DNAH3: variants seen among roughly 807,000 people sequenced by gnomAD.
The protein encoded by DNAH3 is dynein axonemal heavy chain 3.
In DNAH3, 332 loss-of-function variants were observed where a neutral mutation model predicts 432.5. The ratio of observed to expected loss-of-function variants is 0.77; its 90% CI spans 0.70 to 0.84. The LOEUF (loss-of-function observed/expected upper bound fraction) is 0.84, where lower values mean the gene tolerates loss of function less well. DNAH3 is among the 40% of genes least tolerant of loss of function. The pLI, the probability that DNAH3 is intolerant of heterozygous loss-of-function variation, is 0.00. For synonymous variants in DNAH3, 1,956 were observed against 1,900.2 expected (o/e 1.03, Z -0.76); for missense variants, 4,861 against 5,114.0 (o/e 0.95, Z 1.51).
intron 16 of DNAH3, 144 bp downstream of exon 16, chr16:21,104,327 G>T: frequency 1.4e-6 from 1 of 704,114 alleles, no homozygotes; most frequent in Non-Finnish European, 2.5e-6. Flanking sequence ...CAAAGGAAAT[G>T]CCTTCTCCAC....
intron 16 of DNAH3, among the ~76,000 whole-genome samples, chr16:21,103,745 G>A (rs2091890043): frequency 6.6e-6 from 1 of 152,102 alleles, no homozygotes; most frequent in Non-Finnish European, 1.5e-5. Flanking sequence ...GGGAGTGGGA[G>A]TTTCTTATGT....
rs139469171 is a variant in DNAH3 at position 21,150,083 on chromosome 16, G to A, written c.118-3995C>T. ...TCCACTAAAAATACAAAATTAGCCAGGTGTGGTGGCACATGCCTGTAATCC... is the reference window on the plus strand; with the variant it reads ...TCCACTAAAAATACAAAATTAGCCAAGTGTGGTGGCACATGCCTGTAATCC... On this transcript the variant is annotated intron_variant, in intron 1 of 61. Transcript: ENST00000261383. Among the ~76,000 whole-genome samples the A allele has an allele frequency of 9.0e-3, 1,363 of 152,090 alleles. 14 individuals carry two copies. Among genetic ancestry groups the A allele is most frequent in the Non-Finnish European group, 0.014 (926 of 68,000 alleles).
chr16:21,049,810 C>A, intron 30 of DNAH3, 100 bp downstream of exon 30: 1 of 1,331,588 alleles, frequency 7.5e-7, no homozygotes, highest in Non-Finnish European at 1.1e-6. Flanking sequence ...CCCATGCTGC[C>A]TGTTAATGCT....
At chr16:20,948,359 T>C (rs2084148449) in intron 57 of DNAH3, 124 bp downstream of exon 57, 22 of 965,694 alleles carry the variant, frequency 2.3e-5, no homozygotes, top group Non-Finnish European at 3.3e-5. Context: ...GAATAGCTTA[T>C]GGATTCAATT....
At chr16:21,011,138 C>T (rs1342265258) in intron 41 of DNAH3, among the ~76,000 whole-genome samples, 1 of 151,986 alleles carries the variant, frequency 6.6e-6, no homozygotes, top group Non-Finnish European at 1.5e-5. Flanking sequence ...GACTCTCTAG[C>T]TGCAGAAGGA....
At chr16:21,062,018 A>C (rs1266542148) in intron 25 of DNAH3, among the ~76,000 whole-genome samples, 2 of 152,204 alleles carry the variant, frequency 1.3e-5, no homozygotes, top group Non-Finnish European at 2.9e-5. Flanking sequence ...CAGAAATGGA[A>C]GTAATTTATA....
intron 11 of DNAH3, among the ~76,000 whole-genome samples, chr16:21,118,687 T>A (rs894850382): frequency 6.6e-6 from 1 of 152,132 alleles, no homozygotes; most frequent in African/African-American, 2.4e-5. Flanking sequence ...CTTCACAACT[T>A]TCAGAAAATG....
intron 20 of DNAH3, among the ~76,000 whole-genome samples, chr16:21,080,219 C>T (rs2091133391): frequency 6.6e-6 from 1 of 152,124 alleles, no homozygotes; most frequent in South Asian, 2.1e-4. Flanking sequence ...ATCACTTGAA[C>T]CTGGGAGGAG....
intron 59 of DNAH3, 121 bp downstream of exon 59, chr16:20,941,280 C>A (rs936283825): frequency 1.3e-5 from 16 of 1,200,862 alleles, no homozygotes; most frequent in Non-Finnish European, 1.4e-5. Context: ...CCTATTCACA[C>A]CCCTAATACG....
chr16:21,081,678 AG>A lies in DNAH3; in HGVS notation c.2926del (p.Leu976SerfsTer36). 1.2e-6 allele frequency: 2 copies of A among 1,613,978 alleles called. No homozygotes were observed. The highest frequency in any genetic ancestry group is 1.7e-6 in the Non-Finnish European group (2 of 1,179,882). On this transcript the variant is annotated frameshift_variant, in exon 20 of 62. Coordinates refer to ENST00000261383, the Ensembl canonical transcript of DNAH3. LOFTEE classifies it high-confidence loss of function. ...GAATCCAAATTCGAGCATATTTGAG[AG>A]GCAGGTCGTTTCGGTGGGCTTTATC...
At chr16:20,997,845 A>G (rs1053085016) in intron 43 of DNAH3, among the ~76,000 whole-genome samples, 13 of 151,148 alleles carry the variant, frequency 8.6e-5, no homozygotes, top group African/African-American at 3.2e-4. Context: ...TAAAAAAAAA[A>G]AAAAAAAAAA....
At chr16:21,034,941 T>G (rs1197359337) in intron 35 of DNAH3, among the ~76,000 whole-genome samples, 1 of 152,166 alleles carries the variant, frequency 6.6e-6, no homozygotes, top group Non-Finnish European at 1.5e-5. Context: ...AGCTACTGTT[T>G]GAAAGTTACA....
chr16:21,068,325 T>TGGGGGGGGGG (rs10547729), intron 23 of DNAH3, among the ~76,000 whole-genome samples: 2 of 76,650 alleles, frequency 2.6e-5, no homozygotes, highest in Non-Finnish European at 6.1e-5. Flanking sequence ...TTTTTTTGGG[T>TGGGGGGGGGG]GGGGGGGGGG....
intron 50 of DNAH3, among the ~76,000 whole-genome samples, chr16:20,977,612 A>G (rs2085655543): frequency 6.6e-6 from 1 of 152,138 alleles, no homozygotes; most frequent in African/African-American, 2.4e-5. Context: ...TTAGGAACAT[A>G]GGTTTTGGAG....
chr16:21,020,140 C>T (rs1208578411), intron 40 of DNAH3, among the ~76,000 whole-genome samples: 1 of 150,544 alleles, frequency 6.6e-6, no homozygotes, highest in Non-Finnish European at 1.5e-5. Flanking sequence ...TCCACCCCAG[C>T]TTCCTGAGTA....
intron 35 of DNAH3, 79 bp downstream of exon 35, chr16:21,036,635 A>C (rs2089183538): frequency 3.7e-6 from 5 of 1,342,964 alleles, no homozygotes; most frequent in Non-Finnish European, 5.2e-6. Flanking sequence ...CTTCAGTTCC[A>C]ATCTCCTATA....
chr16:20,989,104 G>A (rs551057478), intron 44 of DNAH3, among the ~76,000 whole-genome samples: 3 of 152,198 alleles, frequency 2.0e-5, no homozygotes, highest in African/African-American at 4.8e-5. Flanking sequence ...AAAGAGACCC[G>A]AGCGGGTTAC....
chr16:21,115,231 G>A (rs563857977), intron 12 of DNAH3, among the ~76,000 whole-genome samples: 9 of 152,034 alleles, frequency 5.9e-5, no homozygotes, highest in Non-Finnish European at 7.4e-5. Context: ...ATCACACACC[G>A]GGGCCTGTCA....
chr16:21,097,811 T>G (rs1310168710), intron 17 of DNAH3, among the ~76,000 whole-genome samples: 2 of 152,212 alleles, frequency 1.3e-5, no homozygotes, highest in East Asian at 3.8e-4. Context: ...TAGCTACATA[T>G]ATGATGTTAC....
Sources: gnomAD v4.1 joint callset for allele counts (sites outside exome capture counted in the v4.1 genomes callset) on GRCh38, gnomAD v4.1.1 for gene constraint, MANE v1.5 for transcripts, NCBI Gene and HGNC (gene_info 2026-07-23, HGNC 2026-07-21) for gene names.